The following POLA2 variants were observed in gnomAD, a reference collection of about 807,000 sequenced individuals.
POLA2 encodes the protein DNA polymerase alpha 2, accessory subunit.
A neutral mutation model predicts 82.8 loss-of-function variants in POLA2; 47 were observed. The observed-to-expected ratio is 0.57, with a 90% confidence interval of 0.45 to 0.72. The LOEUF (loss-of-function observed/expected upper bound fraction) is 0.72. POLA2 is among the 30% of genes least tolerant of loss of function. The pLI is 0.00. For synonymous variants in POLA2, 287 were observed against 286.8 expected (o/e 1.00, Z -0.01); for missense variants, 634 against 728.1 (o/e 0.87, Z 1.49).
intron 12 of POLA2, 66 bp from the exon 13 acceptor site, chr11:65,289,733 A>G: frequency 9.6e-7 from 1 of 1,043,654 alleles, no homozygotes; most frequent in Non-Finnish European, 1.5e-6. Context: ...TCACCTAACA[A>G]TGTTAAACAA....
At chr11:65,282,384 C>A in intron 9 of POLA2, 95 bp from the exon 10 acceptor site, 1 of 996,732 alleles carries the variant, frequency 1.0e-6, no homozygotes. Context: ...CCTCCCATCA[C>A]ACACCTGCAC....
chr11:65,292,271 G>C (rs745386064), intron 13 of POLA2, among the ~76,000 whole-genome samples: 1 of 152,216 alleles, frequency 6.6e-6, no homozygotes, highest in Non-Finnish European at 1.5e-5. Context: ...AAGCACCTCA[G>C]AGAAAGCGAG....
At chr11:65,263,594 A>G (rs554758350) in intron 1 of POLA2, among the ~76,000 whole-genome samples, 1 of 152,292 alleles carries the variant, frequency 6.6e-6, no homozygotes, top group African/African-American at 2.4e-5. Context: ...TTGGGAGGCC[A>G]AGGCAGGTGG....
intron 7 of POLA2, 47 bp downstream of exon 7, chr11:65,279,673 A>G: frequency 1.5e-6 from 2 of 1,312,810 alleles, no homozygotes; most frequent in Non-Finnish European, 2.2e-6. Context: ...TACGTTTTTA[A>G]ATCGATGACC....
chr11:65,303,893 G>A (rs984744561), intron 8 of POLA2, among the ~76,000 whole-genome samples: 8 of 152,168 alleles, frequency 5.3e-5, no homozygotes, highest in African/African-American at 1.7e-4. Context: ...CCTCGGCAGC[G>A]GGATGCAGAA....
intron 10 of POLA2, among the ~76,000 whole-genome samples, chr11:65,285,360 G>A (rs1590904208): frequency 6.6e-6 from 1 of 151,854 alleles, no homozygotes; most frequent in East Asian, 1.9e-4. Flanking sequence ...AGCCGAGATC[G>A]CCAATGAACT....
At chr11:65,301,843 G>A, downstream of POLA2, among the ~76,000 whole-genome samples, 1 of 152,162 alleles carries the variant, frequency 6.6e-6, no homozygotes, top group Non-Finnish European at 1.5e-5. Context: ...CACCGTCATT[G>A]GTCATTCTGG....
downstream of POLA2, among the ~76,000 whole-genome samples, chr11:65,302,076 G>C (rs1949862049): frequency 6.6e-6 from 1 of 152,132 alleles, no homozygotes; most frequent in East Asian, 1.9e-4. Flanking sequence ...GGGGCCCCTG[G>C]GAGGTCTCAG....
intron 5 of POLA2, 67 bp from the exon 6 acceptor site, chr11:65,278,663 C>T (rs530332640): frequency 3.0e-6 from 4 of 1,324,950 alleles, no homozygotes; most frequent in South Asian, 2.7e-5. Context: ...CAAAGGTAAC[C>T]TCATTTTATT....
chr11:65,296,811 G>A (rs1949815148), intron 17 of POLA2, among the ~76,000 whole-genome samples: 1 of 152,026 alleles, frequency 6.6e-6, no homozygotes, highest in Non-Finnish European at 1.5e-5. Context: ...GCCAGGCATG[G>A]TGGTGTGGGT....
chr11:65,277,636 G>A (rs975183472), intron 5 of POLA2, among the ~76,000 whole-genome samples: 2 of 152,202 alleles, frequency 1.3e-5, no homozygotes, highest in Non-Finnish European at 2.9e-5. Flanking sequence ...CATTGCAGGA[G>A]TTATATTCTC....
At chr11:65,266,382 C>T in intron 1 of POLA2, 200 bp from the exon 2 acceptor site, 1 of 563,764 alleles carries the variant, frequency 1.8e-6, no homozygotes, top group Admixed American at 3.0e-5. Context: ...TGATTCTGCC[C>T]TTATCCTCTT....
chr11:65,295,984 C>T lies in POLA2; in HGVS notation c.1641C>T (p.Phe547=), dbSNP rs34997862. 3,257 of 1,614,092 alleles carry T rather than the reference C, an allele frequency of 2.0e-3. 64 individuals carry two copies. In the African/African-American group the frequency reaches 0.038, roughly 19 times the overall value. ...VLIIPSELRY[F]VKDVLGCVCV... is the part of the protein sequence containing the mutation. ...TCATCCCGTCAGAGCTGAGGTACTTCGTGAAGGTAGGTTTGAACTCTGCTT... is the reference window on the plus strand; with the variant it reads ...TCATCCCGTCAGAGCTGAGGTACTTTGTGAAGGTAGGTTTGAACTCTGCTT... The change falls in exon 17 of 18, where the codon TTC becomes TTT. Residue 547 remains phenylalanine (F), a synonymous_variant. Transcript: ENST00000265465.
intron 13 of POLA2, among the ~76,000 whole-genome samples, chr11:65,291,275 C>T (rs1045558119): frequency 5.9e-5 from 9 of 152,188 alleles, no homozygotes; most frequent in Non-Finnish European, 1.3e-4. Flanking sequence ...AATAAGATGT[C>T]TAACCTTCCG....
At chr11:65,271,306 A>G (rs919996984) in intron 4 of POLA2, among the ~76,000 whole-genome samples, 9 of 152,166 alleles carry the variant, frequency 5.9e-5, no homozygotes, top group African/African-American at 1.9e-4. Flanking sequence ...TGCAATACCA[A>G]TGGGACCACC....
intron 1 of POLA2, among the ~76,000 whole-genome samples, chr11:65,265,238 A>AAG (rs1555018310): frequency 1.4e-5 from 2 of 146,404 alleles, no homozygotes; most frequent in Non-Finnish European, 3.0e-5. Context: ...CAAAAAAAAA[A>AAG]GGGGGGGGGC....
At chr11:65,265,999 A>T (rs1949456158) in intron 1 of POLA2, among the ~76,000 whole-genome samples, 1 of 152,090 alleles carries the variant, frequency 6.6e-6, no homozygotes. Flanking sequence ...CCCTTGCCTG[A>T]ACTACAGGCT....
intron 5 of POLA2, among the ~76,000 whole-genome samples, chr11:65,277,171 T>C (rs912118672): frequency 6.6e-6 from 1 of 150,578 alleles, no homozygotes; most frequent in African/African-American, 2.4e-5. Context: ...TTTTTTTTTC[T>C]TTTCTTTCTT....
chr11:65,287,557 A>T (rs561624116), intron 10 of POLA2, 159 bp from the exon 11 acceptor site: 2 of 537,064 alleles, frequency 3.7e-6, no homozygotes, highest in South Asian at 5.4e-5. Flanking sequence ...GTGTTCTTGG[A>T]GGGTGGACAT....
Sources: gnomAD v4.1 joint callset for allele counts (sites outside exome capture counted in the v4.1 genomes callset) on GRCh38, gnomAD v4.1.1 for gene constraint, MANE v1.5 for transcripts, NCBI Gene and HGNC (gene_info 2026-07-23, HGNC 2026-07-21) for gene names.